CDYL2: variants seen among roughly 807,000 people sequenced by gnomAD.
The protein encoded by CDYL2 is chromodomain Y-like protein 2.
A neutral mutation model predicts 49.4 loss-of-function variants in CDYL2; 23 were observed. That is an observed-to-expected ratio of 0.47 (90% CI 0.34 to 0.66). The LOEUF is 0.66. Among genes scored for constraint, CDYL2 ranks in the 30% least tolerant of loss-of-function variants. The probability of loss-of-function intolerance (pLI) is 0.01; values close to 1 mark genes in which losing one functional copy is unlikely to be tolerated. For missense variants in CDYL2, 678 were observed against 656.4 expected (o/e 1.03, Z -0.36); for synonymous variants, 360 against 268.8 (o/e 1.34, Z -3.32).
intron 3 of CDYL2, chr16:80,627,924 C>T (rs1437645946): frequency 1.3e-5 from 2 of 152,240 alleles, no homozygotes; most frequent in African/African-American, 4.8e-5. Flanking sequence ...TCTATGACCT[C>T]TAGCTTTGGA....
chr16:80,671,826 T>G (rs1048214084), intron 2 of CDYL2, among the ~76,000 whole-genome samples: 1 of 152,200 alleles, frequency 6.6e-6, no homozygotes, highest in Non-Finnish European at 1.5e-5. Context: ...TATGGTAAAA[T>G]TAGCAGTATA....
At chr16:80,654,728 G>A (rs1237715223) in intron 2 of CDYL2, among the ~76,000 whole-genome samples, 1 of 152,230 alleles carries the variant, frequency 6.6e-6, no homozygotes, top group Non-Finnish European at 1.5e-5. Flanking sequence ...AGAGCTGCCC[G>A]GCATGGAGAT....
At chr16:80,670,813 A>G (rs968610363) in intron 2 of CDYL2, 3 of 424,812 alleles carry the variant, frequency 7.1e-6, no homozygotes, top group African/African-American at 4.1e-5. Flanking sequence ...GCTCCCAGGA[A>G]CACCACACCA....
chr16:80,654,821 C>G (rs527685253), intron 2 of CDYL2, among the ~76,000 whole-genome samples: 34 of 152,338 alleles, frequency 2.2e-4, no homozygotes, highest in South Asian at 8.3e-4. Flanking sequence ...TGTCAAACAT[C>G]AAGATGCAGC....
At chr16:80,793,471 A>G (rs1221237037) in intron 1 of CDYL2, among the ~76,000 whole-genome samples, 2 of 152,376 alleles carry the variant, frequency 1.3e-5, no homozygotes, top group Admixed American at 6.5e-5. Context: ...CAGAGGGACT[A>G]ATGCCATACA....
intron 1 of CDYL2, among the ~76,000 whole-genome samples, chr16:80,779,939 T>A (rs1317320989): frequency 2.6e-5 from 4 of 152,142 alleles, no homozygotes; most frequent in African/African-American, 9.6e-5. Flanking sequence ...TATAATCTGG[T>A]TTTTAAAATA....
chr16:80,680,325 A>G (rs1909919607), intron 2 of CDYL2, among the ~76,000 whole-genome samples: 1 of 152,230 alleles, frequency 6.6e-6, no homozygotes, highest in South Asian at 2.1e-4. Flanking sequence ...ACGTCCTTTC[A>G]GAAATGTGGA....
intron 1 of CDYL2, among the ~76,000 whole-genome samples, chr16:80,699,232 A>G (rs1356733147): frequency 6.6e-6 from 1 of 152,240 alleles, no homozygotes; most frequent in Non-Finnish European, 1.5e-5. Context: ...CACTATTCAT[A>G]ATAGTCAAGA....
At chr16:80,792,176 A>T (rs1247791978) in intron 1 of CDYL2, among the ~76,000 whole-genome samples, 2 of 152,228 alleles carry the variant, frequency 1.3e-5, no homozygotes, top group East Asian at 3.8e-4. Context: ...AAGTGAAGTT[A>T]GATAGATAGT....
intron 1 of CDYL2, among the ~76,000 whole-genome samples, chr16:80,690,739 T>A (rs1045026542): frequency 3.9e-5 from 6 of 152,186 alleles, no homozygotes; most frequent in Non-Finnish European, 8.8e-5. Context: ...TCCTGAAGCA[T>A]CTTTCCATCA....
chr16:80,698,528 A>G (rs1904285912), intron 1 of CDYL2, among the ~76,000 whole-genome samples: 1 of 152,132 alleles, frequency 6.6e-6, no homozygotes, highest in African/African-American at 2.4e-5. Context: ...TCCTTGCCCA[A>G]ATCTCATGCT....
chr16:80,684,848 G>C lies in CDYL2; in HGVS notation c.306C>G (p.Thr102=). ...GGTTAATTCGCTTCCGTTTATGGGA[G>C]GTCCCCTTGCTCTTTCCAGGATCTG... ...RPSDPGKSKG[T]SHKRKRINPP... is the part of the protein sequence containing the mutation. The change falls in exon 2 of 7, where the codon ACC becomes ACG. Residue 102 remains threonine (T), a synonymous_variant. Transcript: ENST00000570137. 6.2e-7 allele frequency: 1 copy of C among 1,614,138 alleles called. No individual in the cohort carries two copies. Among genetic ancestry groups the C allele is most frequent in the Middle Eastern group, 1.6e-4 (1 of 6,062 alleles).
At chr16:80,686,636 G>C (rs1377816402) in intron 1 of CDYL2, among the ~76,000 whole-genome samples, 1 of 152,218 alleles carries the variant, frequency 6.6e-6, no homozygotes, top group Non-Finnish European at 1.5e-5. Flanking sequence ...TTGAATTTTA[G>C]TATGTTTAGA....
chr16:80,756,561 G>A (rs775298369), intron 1 of CDYL2, among the ~76,000 whole-genome samples: 2 of 151,984 alleles, frequency 1.3e-5, no homozygotes, highest in Non-Finnish European at 2.9e-5. Flanking sequence ...AAAGCTATAG[G>A]TGAATTTGAA....
chr16:80,798,446 G>A (rs150151010), intron 1 of CDYL2, among the ~76,000 whole-genome samples: 140 of 152,106 alleles, frequency 9.2e-4, no homozygotes, highest in Non-Finnish European at 1.2e-3. Flanking sequence ...CTACACAATG[G>A]GAATGCCATG....
intron 1 of CDYL2, among the ~76,000 whole-genome samples, chr16:80,745,871 A>AG (rs1360231673): frequency 6.6e-6 from 1 of 152,160 alleles, no homozygotes; most frequent in African/African-American, 2.4e-5. Context: ...AAGACAGGGA[A>AG]GGGCAGGGGG....
intron 1 of CDYL2, among the ~76,000 whole-genome samples, chr16:80,745,139 G>C (rs1318433196): frequency 6.6e-6 from 1 of 152,182 alleles, no homozygotes; most frequent in African/African-American, 2.4e-5. Context: ...CTAGCACCCT[G>C]CAAGTTCAAC....
At chr16:80,643,851 G>C (rs1908214264) in intron 2 of CDYL2, among the ~76,000 whole-genome samples, 1 of 152,224 alleles carries the variant, frequency 6.6e-6, no homozygotes, top group Admixed American at 6.5e-5. Context: ...CCTGTGATGG[G>C]AGGGTCTGCT....
Position 80,684,691 on chromosome 16 carries a change from C to A in CDYL2, c.463G>T (p.Gly155Trp). The part of the protein sequence containing the change: ...QIMPLKKSQN[G>W]MENGDAGSEK... The stretch of plus-strand genomic sequence containing the variant: ...GAGCCGGCGTCCCCATTTTCCATCC[C>A]GTTCTGAGACTTTTTCAGGGGCATT... The change falls in exon 2 of 7, where the codon GGG (glycine) becomes TGG (tryptophan). Residue 155 changes from glycine (G) to tryptophan (W), a missense_variant. Physicochemically the swap from Gly to Trp is radical, Grantham distance 184. Around this residue, in one of 3 missense-constraint regions of CDYL2, gnomAD observed 478 missense variants for 427.0 expected, o/e 1.12. Coordinates refer to ENST00000570137, the MANE Select transcript of CDYL2 (RefSeq NM_152342.4). 1 of 1,614,186 alleles carries A rather than the reference C, an allele frequency of 6.2e-7. No homozygotes were observed. The highest frequency in any genetic ancestry group is 8.5e-7 in the Non-Finnish European group (1 of 1,180,042).
Sources: allele counts gnomAD v4.1 joint callset (sites outside exome capture counted in the v4.1 genomes callset), GRCh38; gene constraint gnomAD v4.1.1; regional missense constraint gnomAD v4.1.1; transcripts MANE v1.5; gene names NCBI Gene and HGNC (gene_info 2026-07-23, HGNC 2026-07-21).